The following CDK19 variants were observed in gnomAD, a reference collection of about 807,000 sequenced individuals.
CDK19 encodes cyclin dependent kinase 19, also known as cyclin-dependent kinase 19.
CDK19 carries 20 observed loss-of-function variants against 68.3 expected under a neutral mutation model. The ratio of observed to expected loss-of-function variants is 0.29; its 90% confidence interval spans 0.21 to 0.43. The LOEUF (loss-of-function observed/expected upper bound fraction) is 0.43. Among genes scored for constraint, CDK19 ranks in the 20% least tolerant of loss-of-function variants. The pLI, the probability that CDK19 is intolerant of heterozygous loss-of-function variation, is 1.00. For missense variants in CDK19, 339 were observed against 623.5 expected, an observed-to-expected ratio of 0.54 and a Z score of 4.86; for synonymous variants, 221 against 222.8, an observed-to-expected ratio of 0.99 and a Z score of 0.07.
rs1562126639 is a variant in CDK19, at chr6:110,621,239, G to GGCCCCA, written c.1236_1241dup (p.Ala414_Gly415dup). ...ACCCTGCTCCGGTGCCCCCGACCCC[G>GGCCCCA]GCCCCAGCCCCACCTGCGGTCCCGT... is the stretch of plus-strand genomic sequence containing the variant. On this transcript the variant is annotated inframe_insertion, in exon 12 of 13. Transcript: ENST00000368911. The surrounding 1 kb of genome is among the most constrained non-coding windows in gnomAD (Gnocchi z 5.4). 7 of 1,613,038 alleles carry GGCCCCA rather than the reference G, an allele frequency of 4.3e-6. No homozygotes were observed. The highest frequency in any genetic ancestry group is 2.2e-5 in the South Asian group (2 of 91,032).
At chr6:110,802,440 A>G (rs1782404654) in intron 1 of CDK19, among the ~76,000 whole-genome samples, 1 of 152,210 alleles carries the variant, frequency 6.6e-6, no homozygotes, top group African/African-American at 2.4e-5. Context: ...AAAATTAAAT[A>G]CCGCATGTCC....
At chr6:110,623,753 CAT>C (rs1014744444) in intron 8 of CDK19, among the ~76,000 whole-genome samples, 7 of 83,394 alleles carry the variant, frequency 8.4e-5, no homozygotes, top group South Asian at 3.8e-4. Context: ...TATATATATA[CAT>C]ATATATATAC....
At chr6:110,669,525 A>C (rs1353190004) in intron 3 of CDK19, among the ~76,000 whole-genome samples, 1 of 152,274 alleles carries the variant, frequency 6.6e-6, no homozygotes, top group East Asian at 1.9e-4. Context: ...TCATGCCTAT[A>C]ATCTCAACAG....
chr6:110,693,529 G>C (rs1306524034), intron 2 of CDK19, among the ~76,000 whole-genome samples: 2 of 152,206 alleles, frequency 1.3e-5, no homozygotes, highest in Admixed American at 6.5e-5. Flanking sequence ...CCTATAGGCT[G>C]GCTGCCTGGA....
intron 2 of CDK19, among the ~76,000 whole-genome samples, chr6:110,717,111 G>C (rs1462549896): frequency 2.6e-5 from 4 of 152,148 alleles, no homozygotes; most frequent in Non-Finnish European, 5.9e-5. Flanking sequence ...CTGGGCAACA[G>C]AGCAAGACTC....
intron 2 of CDK19, among the ~76,000 whole-genome samples, chr6:110,685,585 G>C (rs1349181622): frequency 6.6e-6 from 1 of 152,134 alleles, no homozygotes. Flanking sequence ...AACAAATGTT[G>C]GCTAAGTGAT....
At chr6:110,811,121 C>T (rs1423409083) in intron 1 of CDK19, among the ~76,000 whole-genome samples, 1 of 152,138 alleles carries the variant, frequency 6.6e-6, no homozygotes, top group Non-Finnish European at 1.5e-5. Flanking sequence ...GGAAATTGAA[C>T]TAGATGATCT....
chr6:110,777,076 C>A (rs1780451852), intron 1 of CDK19, among the ~76,000 whole-genome samples: 1 of 152,182 alleles, frequency 6.6e-6, no homozygotes, highest in African/African-American at 2.4e-5. Context: ...ATCATACAAA[C>A]CGGCATCTAT....
chr6:110,778,729 A>C (rs1313605633), intron 1 of CDK19, among the ~76,000 whole-genome samples: 2 of 152,164 alleles, frequency 1.3e-5, no homozygotes, highest in African/African-American at 4.8e-5. Context: ...GCATGTATCC[A>C]GGTGAAGTGT....
intron 2 of CDK19, among the ~76,000 whole-genome samples, chr6:110,686,477 A>G (rs1192692053): frequency 6.6e-6 from 1 of 152,202 alleles, no homozygotes; most frequent in Non-Finnish European, 1.5e-5. Context: ...TAAATTTGCT[A>G]TGGCAGATTT....
intron 1 of CDK19, among the ~76,000 whole-genome samples, chr6:110,781,202 C>T (rs997003706): frequency 4.6e-5 from 7 of 152,152 alleles, no homozygotes; most frequent in Admixed American, 6.5e-5. Flanking sequence ...CATCTGCTTC[C>T]GATGAGGGCC....
intron 4 of CDK19, among the ~76,000 whole-genome samples, chr6:110,639,918 G>A (rs1289651577): frequency 6.6e-6 from 1 of 152,170 alleles, no homozygotes; most frequent in African/African-American, 2.4e-5. Context: ...ATAAGACGCA[G>A]AAGTCTGACT....
At chr6:110,744,948 T>C (rs1207780080) in intron 2 of CDK19, among the ~76,000 whole-genome samples, 1 of 152,192 alleles carries the variant, frequency 6.6e-6, no homozygotes, top group East Asian at 1.9e-4. Flanking sequence ...CTGTGGGCAA[T>C]ATATGTAATA....
At chr6:110,717,405 T>G (rs1257748942) in intron 2 of CDK19, among the ~76,000 whole-genome samples, 1 of 152,182 alleles carries the variant, frequency 6.6e-6, no homozygotes, top group South Asian at 2.1e-4. Context: ...ATATTTCAAC[T>G]GACAGGTAGT....
chr6:110,617,678 C>T lies in CDK19; in HGVS notation c.1378-3012G>A, dbSNP rs1045361395. On this transcript the variant is annotated intron_variant, in intron 12 of 12. Transcript: ENST00000368911. Reference sequence around the variant, plus strand: ...ATATATATATACACACACACACACACACACACACACACACACACACACACA... The same window carrying T: ...ATATATATATACACACACACACACATACACACACACACACACACACACACA... Among the ~76,000 whole-genome samples, 156 of 143,826 alleles carry T rather than the reference C, an allele frequency of 1.1e-3. 1 individual carries two copies. Among genetic ancestry groups the T allele is most frequent in the African/African-American group, 3.5e-3 (137 of 39,164 alleles). The allele number at this position is 143,826 out of a possible 152,430, so 94.4% of individuals were successfully genotyped here. A position where few individuals can be genotyped will look rare whatever the true frequency, so the allele number is the denominator to read the frequency against.
chr6:110,721,121 T>C (rs2114742303), intron 2 of CDK19, among the ~76,000 whole-genome samples: 1 of 152,004 alleles, frequency 6.6e-6, no homozygotes, highest in East Asian at 1.9e-4. Context: ...GCGCCTGTAG[T>C]CCCAGCTACT....
intron 1 of CDK19, among the ~76,000 whole-genome samples, chr6:110,802,654 T>C (rs1335606621): frequency 6.6e-6 from 1 of 152,098 alleles, no homozygotes; most frequent in Non-Finnish European, 1.5e-5. Context: ...AACCTACCCA[T>C]GTAACAAACC....
chr6:110,806,126 G>A (rs1782665345), intron 1 of CDK19, among the ~76,000 whole-genome samples: 1 of 152,080 alleles, frequency 6.6e-6, no homozygotes, highest in African/African-American at 2.4e-5. Flanking sequence ...GATCACCTGA[G>A]GTCAAGAGTT....
chr6:110,742,785 C>T (rs1321563967), intron 2 of CDK19, among the ~76,000 whole-genome samples: 1 of 152,152 alleles, frequency 6.6e-6, no homozygotes, highest in Non-Finnish European at 1.5e-5. Flanking sequence ...GATCTCTGCT[C>T]TCGAATCCTG....
Sources: gnomAD v4.1 joint callset for allele counts (sites outside exome capture counted in the v4.1 genomes callset) on GRCh38, gnomAD v4.1.1 for gene constraint, Gnocchi (gnomAD v3.1) non-coding constraint, MANE v1.5 for transcripts, NCBI Gene and HGNC (gene_info 2026-07-23, HGNC 2026-07-21) for gene names.